PLPPR1: variants seen among roughly 807,000 people sequenced by gnomAD.
PLPPR1 encodes phospholipid phosphatase related 1.
PLPPR1 carries 10 observed loss-of-function variants against 33.1 expected under a neutral mutation model. That is an observed-to-expected ratio of 0.30 (90% CI 0.19 to 0.51). The LOEUF (loss-of-function observed/expected upper bound fraction) is 0.51, where lower values mean the gene tolerates loss of function less well. Among genes scored for constraint, PLPPR1 ranks in the 20% least tolerant of loss-of-function variants. The pLI is 0.97. For missense variants in PLPPR1, 304 were observed against 408.1 expected, an observed-to-expected ratio of 0.74 and a Z score of 2.20; for synonymous variants, 151 against 151.0, an observed-to-expected ratio of 1.00 and a Z score of 0.00.
intron 1 of PLPPR1, among the ~76,000 whole-genome samples, chr9:101,070,409 A>T (rs1344960426): frequency 6.6e-6 from 1 of 152,024 alleles, no homozygotes; most frequent in African/African-American, 2.4e-5. Context: ...TATTCCTATC[A>T]TAGGGAATAT....
intron 2 of PLPPR1, among the ~76,000 whole-genome samples, chr9:101,194,354 C>T (rs534991764): frequency 1.3e-5 from 2 of 152,244 alleles, no homozygotes; most frequent in South Asian, 4.1e-4. Context: ...TCTTGTCTTC[C>T]TCTTTGCCTC....
intron 2 of PLPPR1, among the ~76,000 whole-genome samples, chr9:101,231,352 G>A (rs1284548847): frequency 7.5e-6 from 1 of 134,096 alleles, no homozygotes; most frequent in Non-Finnish European, 1.5e-5. Context: ...GGCTATAAAT[G>A]AGATCGTTTG....
At chr9:101,078,285 C>A (rs946621026) in intron 1 of PLPPR1, among the ~76,000 whole-genome samples, 5 of 139,030 alleles carry the variant, frequency 3.6e-5, no homozygotes, top group Non-Finnish European at 7.6e-5. Context: ...GTTCTGAGAT[C>A]TGGCAACAAA....
intron 1 of PLPPR1, among the ~76,000 whole-genome samples, chr9:101,048,978 C>T (rs1289246885): frequency 6.6e-6 from 1 of 152,126 alleles, no homozygotes; most frequent in Non-Finnish European, 1.5e-5. Context: ...TAGTCAATAT[C>T]ACATCAAGGG....
At chr9:101,308,277 C>A (rs947599345) in intron 4 of PLPPR1, among the ~76,000 whole-genome samples, 1 of 152,056 alleles carries the variant, frequency 6.6e-6, no homozygotes, top group African/African-American at 2.4e-5. Flanking sequence ...AGAGGAGATA[C>A]AACAGTGAAG....
chr9:101,202,571 G>A (rs1415312136), intron 2 of PLPPR1, among the ~76,000 whole-genome samples: 1 of 152,284 alleles, frequency 6.6e-6, no homozygotes, highest in Non-Finnish European at 1.5e-5. Context: ...CGTAAAATGA[G>A]GATTTGAATG....
At chr9:101,237,672 A>G (rs1309422467) in intron 2 of PLPPR1, among the ~76,000 whole-genome samples, 1 of 144,550 alleles carries the variant, frequency 6.9e-6, no homozygotes. Flanking sequence ...ATTCCATCAT[A>G]TATATACATA....
intron 1 of PLPPR1, among the ~76,000 whole-genome samples, chr9:101,114,705 G>T (rs1380534134): frequency 6.6e-6 from 1 of 152,168 alleles, no homozygotes; most frequent in Non-Finnish European, 1.5e-5. Context: ...AACTTTATCT[G>T]GTTCTGGGAC....
At chr9:101,285,999 A>C (rs2118915661) in intron 3 of PLPPR1, 105 bp from the exon 4 acceptor site, 1 of 825,388 alleles carries the variant, frequency 1.2e-6, no homozygotes, top group African/African-American at 1.7e-5. Flanking sequence ...AACATCTTTT[A>C]AAATGATTGT....
chr9:101,232,903 A>G (rs1227756340), intron 2 of PLPPR1, among the ~76,000 whole-genome samples: 2 of 151,942 alleles, frequency 1.3e-5, no homozygotes, highest in African/African-American at 4.8e-5. Flanking sequence ...CCTTTATCTT[A>G]TTAACTTTCT....
chr9:101,316,077 C>G (rs1829045374), intron 6 of PLPPR1, among the ~76,000 whole-genome samples: 1 of 152,156 alleles, frequency 6.6e-6, no homozygotes, highest in South Asian at 2.1e-4. Context: ...CAACCAATAA[C>G]CAGCAGAGGG....
At chr9:101,139,971 T>A (rs927808850) in intron 1 of PLPPR1, among the ~76,000 whole-genome samples, 1 of 152,186 alleles carries the variant, frequency 6.6e-6, no homozygotes, top group Non-Finnish European at 1.5e-5. Flanking sequence ...CTTTCCCTAT[T>A]CTGTACCTCA....
chr9:101,295,959 A>G (rs1828627048), intron 4 of PLPPR1, among the ~76,000 whole-genome samples: 1 of 149,482 alleles, frequency 6.7e-6, no homozygotes, highest in Non-Finnish European at 1.5e-5. Flanking sequence ...AATGGGATCT[A>G]ATTAAACTAA....
intron 1 of PLPPR1, among the ~76,000 whole-genome samples, chr9:101,163,888 A>C (rs2118676376): frequency 1.3e-5 from 2 of 152,296 alleles, no homozygotes; most frequent in Admixed American, 1.3e-4. Context: ...GTGGAGCTTC[A>C]ATGACATAGG....
At chr9:101,222,563 T>C (rs1181255704) in intron 2 of PLPPR1, among the ~76,000 whole-genome samples, 1 of 152,174 alleles carries the variant, frequency 6.6e-6, no homozygotes, top group Non-Finnish European at 1.5e-5. Flanking sequence ...TAAGATTGTG[T>C]CTGTGAAGGA....
intron 2 of PLPPR1, among the ~76,000 whole-genome samples, chr9:101,188,980 T>C (rs1826250460): frequency 6.6e-6 from 1 of 152,106 alleles, no homozygotes; most frequent in Non-Finnish European, 1.5e-5. Context: ...AATTTGCTCA[T>C]GAAGTTTATC....
At chr9:101,080,072 G>A (rs542958350) in intron 1 of PLPPR1, among the ~76,000 whole-genome samples, 4 of 152,240 alleles carry the variant, frequency 2.6e-5, no homozygotes, top group Non-Finnish European at 4.4e-5. Context: ...TCTTCCATGT[G>A]TAGAAAATTT....
At chr9:101,136,773 C>T (rs1831382619) in intron 1 of PLPPR1, among the ~76,000 whole-genome samples, 1 of 152,072 alleles carries the variant, frequency 6.6e-6, no homozygotes, top group South Asian at 2.1e-4. Flanking sequence ...AGTTGATCTT[C>T]TTGGGGTAGA....
chr9:101,174,682 G>A (rs549507753), intron 1 of PLPPR1, among the ~76,000 whole-genome samples: 1 of 152,106 alleles, frequency 6.6e-6, no homozygotes, highest in Non-Finnish European at 1.5e-5. Flanking sequence ...TATTTGTCCC[G>A]AGTTACCTAG....
Sources: allele counts gnomAD v4.1 joint callset (sites outside exome capture counted in the v4.1 genomes callset), GRCh38; gene constraint gnomAD v4.1.1; transcripts MANE v1.5; gene names NCBI Gene and HGNC (gene_info 2026-07-23, HGNC 2026-07-21).